The following FRMPD4 variants were observed in gnomAD, a reference collection of about 807,000 sequenced individuals.
The protein encoded by FRMPD4 is FERM and PDZ domain-containing protein 4.
Under a neutral mutation model 94.1 loss-of-function variants are expected in FRMPD4, and 22 were observed. The observed-to-expected ratio is 0.23, with a 90% CI of 0.17 to 0.33. The LOEUF (loss-of-function observed/expected upper bound fraction) is 0.33. FRMPD4 is among the 10% of genes least tolerant of loss of function. The probability of loss-of-function intolerance (pLI) is 1.00; values close to 1 mark genes in which losing one functional copy is unlikely to be tolerated. For synonymous variants in FRMPD4, 631 were observed against 548.6 expected, an observed-to-expected ratio of 1.15 and a Z score of -2.10; for missense variants, 1,111 against 1,339.9, an observed-to-expected ratio of 0.83 and a Z score of 2.67.
chrX:12,488,972 G>T (rs1226633880), intron 1 of FRMPD4, among the ~76,000 whole-genome samples: 2 of 112,109 alleles, frequency 1.8e-5, no homozygotes, highest in Non-Finnish European at 3.8e-5. Context: ...ATGTCCGTTA[G>T]TTTCCACATT....
intron 1 of FRMPD4, among the ~76,000 whole-genome samples, chrX:12,171,795 A>G (rs935313925): frequency 1.8e-5 from 2 of 112,032 alleles, no homozygotes; most frequent in Non-Finnish European, 3.8e-5. Context: ...GGAAAGTCAT[A>G]TCAACGGCTA....
intron 1 of FRMPD4, among the ~76,000 whole-genome samples, chrX:12,197,103 GT>G (rs931616843): frequency 9.0e-6 from 1 of 111,301 alleles, no homozygotes; most frequent in African/African-American, 3.3e-5. Context: ...GTATTTATGT[GT>G]TTTTTAAGTT....
intron 3 of FRMPD4, among the ~76,000 whole-genome samples, chrX:12,089,107 T>A (rs1247806216): frequency 1.8e-5 from 2 of 112,349 alleles, no homozygotes; most frequent in Admixed American, 9.4e-5. Flanking sequence ...TTTGTGAAAT[T>A]CATCCATATT....
chrX:12,063,986 A>G (rs1193468786), intron 3 of FRMPD4, among the ~76,000 whole-genome samples: 2 of 112,299 alleles, frequency 1.8e-5, no homozygotes, highest in Non-Finnish European at 1.9e-5. Context: ...ATAATGTTGC[A>G]CCTCATTCTA....
intron 3 of FRMPD4, among the ~76,000 whole-genome samples, chrX:12,035,763 C>T (rs2054717379): frequency 9.0e-6 from 1 of 111,364 alleles, no homozygotes; most frequent in Non-Finnish European, 1.9e-5. Context: ...AAAGCACAAA[C>T]CACAAGCCTC....
chrX:12,406,269 T>G (rs1226240669), intron 1 of FRMPD4, among the ~76,000 whole-genome samples: 1 of 111,596 alleles, frequency 9.0e-6, no homozygotes, highest in African/African-American at 3.3e-5. Flanking sequence ...CACGCACAGA[T>G]TTTCAGGAAA....
intron 1 of FRMPD4, among the ~76,000 whole-genome samples, chrX:12,262,315 A>G (rs2054201048): frequency 1.8e-5 from 2 of 111,416 alleles, no homozygotes; most frequent in Admixed American, 1.9e-4. Flanking sequence ...GAGTCTCACT[A>G]TGTTGCCCAG....
chrX:11,927,894 AT>A (rs1180840526), intron 3 of FRMPD4, among the ~76,000 whole-genome samples: 13 of 112,255 alleles, frequency 1.2e-4, no homozygotes, highest in Non-Finnish European at 2.1e-4. Context: ...AAAAGCAAAA[AT>A]TGACAAATGG....
chrX:12,654,115 A>G (rs1602267396), intron 4 of FRMPD4, among the ~76,000 whole-genome samples: 1 of 112,333 alleles, frequency 8.9e-6, no homozygotes, highest in Admixed American at 9.4e-5. Context: ...TCCAGATGAA[A>G]AAAAAATGAA....
At chrX:12,381,110 AGTGATCTGTCT>A (rs2056311775) in intron 1 of FRMPD4, among the ~76,000 whole-genome samples, 1 of 112,105 alleles carries the variant, frequency 8.9e-6, no homozygotes, top group African/African-American at 3.2e-5. Context: ...ATAGGATTCC[AGTGATCTGTCT>A]GACGTCTGTG....
chrX:12,635,965 T>C (rs781779012), intron 4 of FRMPD4, among the ~76,000 whole-genome samples: 23 of 112,031 alleles, frequency 2.1e-4, no homozygotes, highest in Admixed American at 1.2e-3. Flanking sequence ...TTAGATGACA[T>C]TGAAGCACAT....
chrX:12,574,421 T>C, intron 2 of FRMPD4, among the ~76,000 whole-genome samples: 1 of 112,542 alleles, frequency 8.9e-6, no homozygotes, highest in East Asian at 2.7e-4. Flanking sequence ...AATGAGAATA[T>C]TCTGTTAGAC....
chrX:12,182,870 G>C (rs1259666095), intron 1 of FRMPD4, among the ~76,000 whole-genome samples: 1 of 110,993 alleles, frequency 9.0e-6, no homozygotes, highest in Non-Finnish European at 1.9e-5. Context: ...ATTTTATTCT[G>C]GACAGTTTAT....
intron 10 of FRMPD4, among the ~76,000 whole-genome samples, chrX:12,702,631 T>TA (rs1171116392): frequency 8.9e-6 from 1 of 112,533 alleles, no homozygotes; most frequent in Non-Finnish European, 1.9e-5. Context: ...AAAGCCTTTC[T>TA]AAATTCCACA....
intron 4 of FRMPD4, among the ~76,000 whole-genome samples, chrX:12,617,169 T>C (rs1308815197): frequency 8.9e-6 from 1 of 112,513 alleles, no homozygotes; most frequent in African/African-American, 3.2e-5. Context: ...CAGCTCCAAG[T>C]TCAAATCCAG....
intron 4 of FRMPD4, among the ~76,000 whole-genome samples, chrX:12,662,412 T>G (rs750058884): frequency 4.5e-5 from 5 of 110,520 alleles, no homozygotes; most frequent in Non-Finnish European, 9.5e-5. Flanking sequence ...CCATGTGTTC[T>G]CATTGTTCAA....
intron 2 of FRMPD4, among the ~76,000 whole-genome samples, chrX:12,527,479 G>A (rs752471961): frequency 1.0e-5 from 1 of 97,123 alleles, no homozygotes; most frequent in South Asian, 4.8e-4. Context: ...GCAGAGATCT[G>A]AGTTACAGTT....
chrX:12,661,254 A>T (rs1443076191), intron 4 of FRMPD4, among the ~76,000 whole-genome samples: 1 of 112,596 alleles, frequency 8.9e-6, no homozygotes, highest in African/African-American at 3.2e-5. Flanking sequence ...CAGACAAAAA[A>T]AGATAAGCAA....
chrX:12,322,465 G>C (rs2055221122), intron 1 of FRMPD4, among the ~76,000 whole-genome samples: 1 of 110,680 alleles, frequency 9.0e-6, no homozygotes, highest in Admixed American at 9.7e-5. Context: ...GCAACAACAT[G>C]AGGTGGATGA....
Sources: allele counts gnomAD v4.1 joint callset (sites outside exome capture counted in the v4.1 genomes callset), GRCh38; gene constraint gnomAD v4.1.1; transcripts MANE v1.5; gene names NCBI Gene and HGNC (gene_info 2026-07-23, HGNC 2026-07-21).